Variants in PSME3IP1 observed in about 807,000 individuals in gnomAD.
PSME3IP1 encodes PSME3-interacting protein.
A neutral mutation model predicts 34.1 loss-of-function variants in PSME3IP1; 13 were observed. That is an observed-to-expected ratio of 0.38 (90% confidence interval 0.25 to 0.61). The LOEUF is 0.61. Among genes scored for constraint, PSME3IP1 ranks in the 20% least tolerant of loss-of-function variants. The pLI is 0.60. For missense variants in PSME3IP1, 237 were observed against 301.4 expected, an observed-to-expected ratio of 0.79 and a Z score of 1.58; for synonymous variants, 93 against 114.3, an observed-to-expected ratio of 0.81 and a Z score of 1.19.
Position 57,180,716 on chromosome 16 carries a change from C to CA in PSME3IP1, c.-16+5104dup, listed in dbSNP as rs2073620036. On this transcript the variant is annotated intron_variant, in intron 1 of 6. Transcript: ENST00000309137. The stretch of plus-strand genomic sequence containing the variant: ...CCCAGGAGTTCAAGACCTGCCTGGG[C>CA]AAGATGGTGAGACCCCAACTCTATT... 4.6e-5 allele frequency among the ~76,000 whole-genome samples: 7 copies of CA among 152,180 alleles called. No homozygotes were observed. The South Asian group carries it at 1.5e-3, about 32-fold the overall frequency.
intron 1 of PSME3IP1, chr16:57,181,470 A>G (rs1419230516): frequency 2.0e-5 from 3 of 152,060 alleles, no homozygotes; most frequent in African/African-American, 7.2e-5. Flanking sequence ...ATATGTCCCC[A>G]CACACCAAGC....
chr16:57,166,974 C>T (rs533405835), intron 5 of PSME3IP1, 119 bp downstream of exon 5: 3 of 1,163,202 alleles, frequency 2.6e-6, no homozygotes, highest in African/African-American at 3.1e-5. Flanking sequence ...TAGGTGAGCA[C>T]ACCAAGGGAA....
intron 5 of PSME3IP1, among the ~76,000 whole-genome samples, chr16:57,165,088 C>T (rs1266599883): frequency 6.7e-6 from 1 of 149,974 alleles, no homozygotes; most frequent in African/African-American, 2.4e-5. Context: ...TATACAAAAC[C>T]ACATGCAATT....
At chr16:57,162,156 C>G (rs2071328559) in intron 6 of PSME3IP1, among the ~76,000 whole-genome samples, 1 of 152,120 alleles carries the variant, frequency 6.6e-6, no homozygotes, top group African/African-American at 2.4e-5. Context: ...CCTGCCTCAG[C>G]CTCCCAAAGT....
intron 3 of PSME3IP1, 100 bp from the exon 4 acceptor site, chr16:57,172,472 T>TAA: frequency 3.5e-6 from 4 of 1,147,226 alleles, no homozygotes; most frequent in Non-Finnish European, 3.6e-6. Flanking sequence ...TTCAGGGGAT[T>TAA]AAAAAAAAAA....
At chr16:57,155,053 A>C (rs140126661) in intron 6 of PSME3IP1, among the ~76,000 whole-genome samples, 48 of 152,400 alleles carry the variant, frequency 3.1e-4, no homozygotes, top group African/African-American at 1.2e-3. Flanking sequence ...AAAATCGGGT[A>C]GCCCCCTGGA....
chr16:57,168,856 C>CA lies in PSME3IP1; in HGVS notation c.349-1631dup, dbSNP rs368449066. On this transcript the variant is annotated intron_variant, in intron 4 of 6. Coordinates refer to ENST00000309137, the MANE Select transcript of PSME3IP1 (RefSeq NM_024946.4). ...ATTTCATCTTTCTAGGAGAGAATGC[C>CA]AAAAAAAAATTAGCATGTTGTGATT... 1.3e-4 allele frequency among the ~76,000 whole-genome samples: 17 copies of CA among 129,364 alleles called. No homozygotes were observed. The South Asian group carries it at 2.9e-3, about 22-fold the overall frequency. The allele number at this position is 129,364 out of a possible 152,430, so 84.9% of individuals were successfully genotyped here.
intron 5 of PSME3IP1, among the ~76,000 whole-genome samples, chr16:57,164,756 G>A (rs1463179493): frequency 6.6e-6 from 1 of 152,200 alleles, no homozygotes; most frequent in Non-Finnish European, 1.5e-5. Flanking sequence ...GGAGGCCCGG[G>A]TGCGGTGGCT....
chr16:57,172,512 G>T, intron 3 of PSME3IP1, 140 bp from the exon 4 acceptor site: 2 of 909,748 alleles, frequency 2.2e-6, no homozygotes, highest in Admixed American at 2.8e-5. Flanking sequence ...CGTTTGAATA[G>T]ATAACAGGGC....
Position 57,181,353 on chromosome 16 carries a change from G to A in PSME3IP1, c.-16+4468C>T, listed in dbSNP as rs59651433. 6.0e-3 allele frequency among the ~76,000 whole-genome samples: 904 copies of A among 151,600 alleles called. 9 individuals are homozygous for A. Among genetic ancestry groups the A allele is most frequent in the African/African-American group, 0.02 (841 of 41,288 alleles). On this transcript the variant is annotated intron_variant, in intron 1 of 6. Transcript: ENST00000309137. Reference sequence around the variant, plus strand: ...AAAAACAGCAGTTTTTTCCAAAGCCGAAATAAAACTTGCCTGAGGATATAG... The same window carrying A: ...AAAAACAGCAGTTTTTTCCAAAGCCAAAATAAAACTTGCCTGAGGATATAG...
At chr16:57,159,047 T>C (rs958642126) in intron 6 of PSME3IP1, among the ~76,000 whole-genome samples, 1 of 152,214 alleles carries the variant, frequency 6.6e-6, no homozygotes, top group Admixed American at 6.5e-5. Context: ...ATGACCATAT[T>C]TCAAGGGCGA....
At chr16:57,172,660 G>A (rs1239805257) in intron 3 of PSME3IP1, 116 bp downstream of exon 3, 18 of 884,164 alleles carry the variant, frequency 2.0e-5, no homozygotes, top group African/African-American at 3.3e-5. Flanking sequence ...ATAAGCATCC[G>A]GAGACTCGAA....
At chr16:57,156,872 T>C (rs1444753269) in intron 6 of PSME3IP1, among the ~76,000 whole-genome samples, 2 of 152,212 alleles carry the variant, frequency 1.3e-5, no homozygotes, top group South Asian at 4.1e-4. Context: ...ACAGAGAAAT[T>C]TGGCAAAGTT....
At chr16:57,172,712 A>G (rs2072728217) in intron 3 of PSME3IP1, 64 bp downstream of exon 3, 2 of 1,227,456 alleles carry the variant, frequency 1.6e-6, no homozygotes, top group Non-Finnish European at 2.4e-6. Context: ...AGTGCTGCAC[A>G]AGGCAAAAGT....
At position 57,185,828 on chromosome 16, in the gene PSME3IP1, C is replaced by T; in HGVS notation, c.-23G>A. 4 of 985,302 alleles carry T rather than the reference C, an allele frequency of 4.1e-6. No individual in the cohort carries two copies. The highest frequency in any genetic ancestry group is 4.8e-6 in the Non-Finnish European group (4 of 829,918). 61.0% of individuals were successfully genotyped at this position (985,302 alleles called of 1,614,324 possible). On this transcript the variant is annotated 5_prime_UTR_variant, in exon 1 of 7. Transcript: ENST00000309137. Reference sequence around the variant, plus strand: ...GACCGAGGCCGCACTCACCTACCGGCGCGCGGGAGGCGAGACGACCTCACC... The same window carrying T: ...GACCGAGGCCGCACTCACCTACCGGTGCGCGGGAGGCGAGACGACCTCACC...
At chr16:57,176,795 T>C (rs1411914656) in intron 1 of PSME3IP1, among the ~76,000 whole-genome samples, 1 of 152,200 alleles carries the variant, frequency 6.6e-6, no homozygotes, top group Non-Finnish European at 1.5e-5. Flanking sequence ...AAATAAATAC[T>C]AGGATACGGC....
At chr16:57,160,618 G>A (rs561218201) in intron 6 of PSME3IP1, among the ~76,000 whole-genome samples, 3 of 152,304 alleles carry the variant, frequency 2.0e-5, no homozygotes, top group African/African-American at 7.2e-5. Flanking sequence ...GGGAAAGAAT[G>A]AAACAATCTA....
rs1168105431 is a variant in PSME3IP1 at position 57,153,128 on chromosome 16, C to T, written c.*1162G>A. 1 of 152,708 alleles carries T rather than the reference C, an allele frequency of 6.5e-6. No homozygotes were observed. The highest frequency in any genetic ancestry group is 2.4e-5 in the African/African-American group (1 of 41,474). The allele number at this position is 152,708 out of a possible 1,614,324, so 9.5% of individuals were successfully genotyped here. On this transcript the variant is annotated 3_prime_UTR_variant, in exon 7 of 7. Transcript: ENST00000309137. The stretch of plus-strand genomic sequence containing the variant: ...TTGTTGTCAAAGCTCATGTCTATCT[C>T]TGTCCTCGAGGCCTCCACACCATCT...
chr16:57,166,827 C>T (rs1193162841), intron 5 of PSME3IP1, among the ~76,000 whole-genome samples: 1 of 152,194 alleles, frequency 6.6e-6, no homozygotes, highest in African/African-American at 2.4e-5. Context: ...TGGGATTATG[C>T]ACAGGAAGCA....
Sources: gnomAD v4.1 joint callset for allele counts (sites outside exome capture counted in the v4.1 genomes callset) on GRCh38, gnomAD v4.1.1 for gene constraint, MANE v1.5 for transcripts, NCBI Gene and HGNC (gene_info 2026-07-23, HGNC 2026-07-21) for gene names.